RIMS1: variants seen among roughly 807,000 people sequenced by gnomAD.
RIMS1 encodes regulating synaptic membrane exocytosis protein 1.
Under a neutral mutation model 214.1 loss-of-function variants are expected in RIMS1, and 83 were observed. The observed-to-expected ratio is 0.39, with a 90% CI of 0.32 to 0.47. The LOEUF is 0.47. RIMS1 is among the 20% of genes least tolerant of loss of function. The probability of loss-of-function intolerance (pLI) is 0.99; values close to 1 mark genes in which losing one functional copy is unlikely to be tolerated. For missense variants in RIMS1, 2,050 were observed against 2,161.8 expected, an observed-to-expected ratio of 0.95 and a Z score of 1.03; for synonymous variants, 793 against 786.8, an observed-to-expected ratio of 1.01 and a Z score of -0.13.
chr6:72,356,668 G>A (rs1403122382), intron 29 of RIMS1, among the ~76,000 whole-genome samples: 1 of 151,980 alleles, frequency 6.6e-6, no homozygotes, highest in East Asian at 1.9e-4. Context: ...GCTGAGGCAG[G>A]AGAATCGCTT....
chr6:72,128,878 C>T (rs747991096), intron 4 of RIMS1, among the ~76,000 whole-genome samples: 10 of 152,192 alleles, frequency 6.6e-5, no homozygotes, highest in Non-Finnish European at 1.2e-4. Flanking sequence ...CTACCGTATA[C>T]ATCATTGAGG....
At chr6:71,897,591 G>T (rs922042412) in intron 1 of RIMS1, among the ~76,000 whole-genome samples, 1 of 152,122 alleles carries the variant, frequency 6.6e-6, no homozygotes, top group Non-Finnish European at 1.5e-5. Flanking sequence ...TAGCTCAAGT[G>T]ACACCTTATC....
intron 28 of RIMS1, among the ~76,000 whole-genome samples, chr6:72,333,194 G>A (rs979745753): frequency 6.6e-6 from 1 of 151,784 alleles, no homozygotes; most frequent in Non-Finnish European, 1.5e-5. Context: ...TTTAAAGAGT[G>A]TACGTTTTTA....
chr6:72,270,790 T>A (rs958546582), intron 22 of RIMS1, among the ~76,000 whole-genome samples: 3 of 152,126 alleles, frequency 2.0e-5, no homozygotes, highest in Non-Finnish European at 4.4e-5. Flanking sequence ...AAGTTTCCTG[T>A]GCCCAATTCT....
At chr6:72,216,671 C>T (rs2056177354) in intron 6 of RIMS1, 1 of 985,384 alleles carries the variant, frequency 1.0e-6, no homozygotes, top group Non-Finnish European at 1.2e-6. Flanking sequence ...GGCATCTGCT[C>T]AACCTTGTCA....
chr6:72,002,305 CA>C (rs779478212), intron 2 of RIMS1, among the ~76,000 whole-genome samples: 251 of 127,002 alleles, frequency 2.0e-3, no homozygotes, highest in Middle Eastern at 4.0e-3. Flanking sequence ...ATGTTATTAG[CA>C]AAAAAAAAAA....
At chr6:72,127,938 G>A (rs964663963) in intron 4 of RIMS1, among the ~76,000 whole-genome samples, 1 of 152,204 alleles carries the variant, frequency 6.6e-6, no homozygotes, top group African/African-American at 2.4e-5. Context: ...CCTCTAGTAA[G>A]AAGACTTGGC....
rs2098834624 is a variant in RIMS1, at chr6:72,401,401, T to G, written c.*687T>G. On this transcript the variant is annotated 3_prime_UTR_variant, in exon 34 of 34. Transcript: ENST00000521978. ...TTCACTAGCTTTCATTTTATAATTA[T>G]TTAAAGTCTTATGTGTGGATACCCA... 1 of 152,526 alleles carries G rather than the reference T, an allele frequency of 6.6e-6. No homozygotes were observed. The highest frequency in any genetic ancestry group is 6.5e-5 in the Admixed American group (1 of 15,286). 9.4% of individuals were successfully genotyped at this position (152,526 alleles called of 1,614,324 possible).
intron 6 of RIMS1, among the ~76,000 whole-genome samples, chr6:72,196,357 G>T (rs984271899): frequency 1.9e-5 from 2 of 105,666 alleles, no homozygotes; most frequent in Admixed American, 2.0e-4. Context: ...TCCTCTGTCT[G>T]TCTGTCTGTC....
chr6:71,936,313 C>T (rs1391738812), intron 1 of RIMS1, among the ~76,000 whole-genome samples: 2 of 105,172 alleles, frequency 1.9e-5, no homozygotes, highest in Non-Finnish European at 1.7e-5. Flanking sequence ...GGCGACAGAG[C>T]GAGACTCCGT....
intron 9 of RIMS1, among the ~76,000 whole-genome samples, 172 bp downstream of exon 9, chr6:72,238,094 A>G (rs1272548543): frequency 2.6e-5 from 4 of 152,164 alleles, no homozygotes; most frequent in African/African-American, 7.2e-5. Context: ...ATTTCCTGAT[A>G]TAAATATTTA....
intron 4 of RIMS1, among the ~76,000 whole-genome samples, chr6:72,102,249 G>T (rs764141281): frequency 2.0e-5 from 3 of 151,840 alleles, no homozygotes; most frequent in Non-Finnish European, 2.9e-5. Flanking sequence ...AGGATGATTG[G>T]TTGATGAATA....
intron 6 of RIMS1, among the ~76,000 whole-genome samples, chr6:72,230,919 A>C (rs547051803): frequency 6.6e-6 from 1 of 151,716 alleles, no homozygotes; most frequent in East Asian, 1.9e-4. Flanking sequence ...CTGATTCTAA[A>C]TTAATGGTAA....
chr6:72,110,042 T>G (rs2153818618), intron 4 of RIMS1, among the ~76,000 whole-genome samples: 1 of 152,288 alleles, frequency 6.6e-6, no homozygotes, highest in Admixed American at 6.5e-5. Context: ...GAGGGCTCTG[T>G]TCTGTTCCAT....
intron 6 of RIMS1, among the ~76,000 whole-genome samples, chr6:72,193,138 A>C (rs1480387582): frequency 6.6e-6 from 1 of 152,234 alleles, no homozygotes; most frequent in African/African-American, 2.4e-5. Flanking sequence ...CAGATAATGA[A>C]AGAAACCTGA....
chr6:72,212,087 G>A (rs1312575375), intron 6 of RIMS1, among the ~76,000 whole-genome samples: 4 of 152,120 alleles, frequency 2.6e-5, no homozygotes, highest in Non-Finnish European at 4.4e-5. Flanking sequence ...AACATTTTCT[G>A]TATTGAAATC....
At chr6:72,235,524 A>G in intron 7 of RIMS1, 94 bp from the exon 8 acceptor site, 2 of 771,308 alleles carry the variant, frequency 2.6e-6, no homozygotes, top group South Asian at 1.6e-5. Context: ...AGTTCTATCC[A>G]TGTTACCTCT....
chr6:71,922,153 A>AAT (rs1229439516), intron 1 of RIMS1, among the ~76,000 whole-genome samples: 2 of 152,110 alleles, frequency 1.3e-5, no homozygotes, highest in Non-Finnish European at 2.9e-5. Context: ...TCATTGTGCT[A>AAT]ATATATATAT....
intron 3 of RIMS1, among the ~76,000 whole-genome samples, chr6:72,098,123 G>A (rs940604699): frequency 1.3e-5 from 2 of 151,918 alleles, no homozygotes; most frequent in East Asian, 1.9e-4. Flanking sequence ...AAAATAACAC[G>A]AAATCTTTAA....
Sources: allele counts gnomAD v4.1 joint callset (sites outside exome capture counted in the v4.1 genomes callset), GRCh38; gene constraint gnomAD v4.1.1; transcripts MANE v1.5; gene names NCBI Gene and HGNC (gene_info 2026-07-23, HGNC 2026-07-21).